Variants in VSTM4 observed in about 807,000 individuals in gnomAD.
VSTM4 encodes the protein V-set and transmembrane domain containing 4.
VSTM4 carries 20 observed loss-of-function variants against 36.4 expected under a neutral mutation model. That is an observed-to-expected ratio of 0.55 (90% CI 0.39 to 0.80). The LOEUF is 0.80. Among genes scored for constraint, VSTM4 ranks in the 30% least tolerant of loss-of-function variants. VSTM4 has a pLI of 0.00. For synonymous variants in VSTM4, 182 were observed against 173.9 expected (o/e 1.05, Z -0.37); for missense variants, 392 against 404.5 (o/e 0.97, Z 0.26).
intron 7 of VSTM4, among the ~76,000 whole-genome samples, chr10:49,023,031 A>G (rs1029565884): frequency 2.6e-5 from 4 of 152,218 alleles, no homozygotes; most frequent in Admixed American, 1.3e-4. Context: ...CATCTAGAAA[A>G]GCAATAAAAA....
chr10:49,088,481 A>G (rs79484795), intron 2 of VSTM4, among the ~76,000 whole-genome samples: 1,900 of 152,254 alleles, frequency 0.012, 50 homozygotes, highest in South Asian at 0.05. Context: ...CCCCCTTCAA[A>G]CACTTAAAAT....
chr10:49,072,323 G>C (rs1181903958), intron 4 of VSTM4, among the ~76,000 whole-genome samples: 2 of 152,164 alleles, frequency 1.3e-5, no homozygotes, highest in African/African-American at 4.8e-5. Context: ...GATGCAAATA[G>C]GGCATGCTCC....
At chr10:49,105,213 C>CAGAG (rs376193769) in intron 2 of VSTM4, among the ~76,000 whole-genome samples, 11,969 of 117,328 alleles carry the variant, frequency 0.1, 751 homozygotes, top group South Asian at 0.32. Context: ...GACAGAGAGA[C>CAGAG]AGAGAGAGAG....
At chr10:49,088,878 T>C (rs903287765) in intron 2 of VSTM4, among the ~76,000 whole-genome samples, 2 of 152,228 alleles carry the variant, frequency 1.3e-5, no homozygotes, top group Non-Finnish European at 2.9e-5. Context: ...ATACCCATCA[T>C]GGTGTGGACC....
chr10:49,080,931 TG>T (rs1490993858), intron 3 of VSTM4, among the ~76,000 whole-genome samples: 1 of 152,192 alleles, frequency 6.6e-6, no homozygotes, highest in African/African-American at 2.4e-5. Context: ...GTGTCTCTGA[TG>T]TGTGGGCTCT....
chr10:49,065,486 A>G (rs1405153137), intron 4 of VSTM4, among the ~76,000 whole-genome samples: 2 of 152,208 alleles, frequency 1.3e-5, no homozygotes, highest in Non-Finnish European at 2.9e-5. Context: ...AGAGAACATT[A>G]GCCAATGTGT....
intron 2 of VSTM4, chr10:49,102,820 C>G: frequency 2.3e-6 from 2 of 872,788 alleles, no homozygotes; most frequent in Non-Finnish European, 2.8e-6. Flanking sequence ...GGCACTGTTG[C>G]AGGCATTCAT....
intron 5 of VSTM4, among the ~76,000 whole-genome samples, chr10:49,063,550 A>T (rs989579085): frequency 1.3e-5 from 2 of 152,182 alleles, no homozygotes; most frequent in African/African-American, 4.8e-5. Context: ...TTTATCATGT[A>T]ATCTTGGTCT....
intron 5 of VSTM4, among the ~76,000 whole-genome samples, chr10:49,056,206 C>T (rs1843775913): frequency 6.6e-6 from 1 of 152,256 alleles, no homozygotes; most frequent in Non-Finnish European, 1.5e-5. Context: ...CTCCTGCAGC[C>T]GCGAGGGAAG....
intron 2 of VSTM4, among the ~76,000 whole-genome samples, chr10:49,106,127 T>C (rs886136391): frequency 6.6e-6 from 1 of 152,232 alleles, no homozygotes; most frequent in African/African-American, 2.4e-5. Flanking sequence ...ATTGAACTAC[T>C]GTAAAGACTC....
At chr10:49,045,204 C>CTT (rs536990071) in intron 7 of VSTM4, among the ~76,000 whole-genome samples, 3 of 148,534 alleles carry the variant, frequency 2.0e-5, no homozygotes, top group Admixed American at 6.7e-5. Flanking sequence ...GTCTTTCTTT[C>CTT]TCTCTCTCTC....
At chr10:49,036,801 C>T (rs560625521) in intron 7 of VSTM4, among the ~76,000 whole-genome samples, 12 of 152,342 alleles carry the variant, frequency 7.9e-5, no homozygotes, top group South Asian at 6.2e-4. Flanking sequence ...CAGCCCTGGG[C>T]TGGCCACACT....
chr10:49,080,677 C>A (rs758096266), intron 3 of VSTM4, among the ~76,000 whole-genome samples: 4 of 152,090 alleles, frequency 2.6e-5, no homozygotes, highest in African/African-American at 4.8e-5. Context: ...AGGGCTGGGG[C>A]GAGAGTTCTG....
chr10:49,044,557 G>A (rs1843575330), intron 7 of VSTM4, among the ~76,000 whole-genome samples: 2 of 148,982 alleles, frequency 1.3e-5, no homozygotes, highest in African/African-American at 2.5e-5. Context: ...AGAAAGGAAG[G>A]AAGGAAGGAA....
chr10:49,039,570 A>T (rs1264811202), intron 7 of VSTM4, among the ~76,000 whole-genome samples: 1 of 152,054 alleles, frequency 6.6e-6, no homozygotes, highest in Non-Finnish European at 1.5e-5. Context: ...TCCCTAGAGA[A>T]CAGGGGTGGC....
At chr10:49,072,319 A>G (rs1482300653) in intron 4 of VSTM4, among the ~76,000 whole-genome samples, 2 of 152,134 alleles carry the variant, frequency 1.3e-5, no homozygotes, top group Non-Finnish European at 2.9e-5. Context: ...CTTGGATGCA[A>G]ATAGGGCATG....
chr10:49,096,622 CGTGTGTGTGTGTGTGTGTGTGT>C (rs57143308), intron 2 of VSTM4, among the ~76,000 whole-genome samples: 13 of 122,500 alleles, frequency 1.1e-4, no homozygotes, highest in Non-Finnish European at 2.1e-4. Context: ...CATTGAAGAC[CGTGTGTGTGTGTGTGTGTGTGT>C]GTGTGTGTGT....
At chr10:49,063,412 T>C (rs1843917296) in intron 5 of VSTM4, among the ~76,000 whole-genome samples, 1 of 152,130 alleles carries the variant, frequency 6.6e-6, no homozygotes, top group Admixed American at 6.5e-5. Flanking sequence ...TGATCTGATC[T>C]ATTATCTCTT....
intron 4 of VSTM4, 89 bp from the exon 5 acceptor site, chr10:49,064,825 G>A: frequency 6.9e-7 from 1 of 1,445,578 alleles, no homozygotes; most frequent in Non-Finnish European, 9.6e-7. Flanking sequence ...CCGGGAGCCA[G>A]GTGTTGTTCA....
Sources: gnomAD v4.1 joint callset for allele counts (sites outside exome capture counted in the v4.1 genomes callset) on GRCh38, gnomAD v4.1.1 for gene constraint, MANE v1.5 for transcripts, NCBI Gene and HGNC (gene_info 2026-07-23, HGNC 2026-07-21) for gene names.